JAZF1: variants seen among roughly 807,000 people sequenced by gnomAD.
The protein encoded by JAZF1 is JAZF zinc finger 1.
A neutral mutation model predicts 26.4 loss-of-function variants in JAZF1; 8 were observed. That is an observed-to-expected ratio of 0.30 (90% CI 0.18 to 0.55). The LOEUF (loss-of-function observed/expected upper bound fraction) is 0.55, where lower values mean the gene tolerates loss of function less well. Among genes scored for constraint, JAZF1 ranks in the 20% least tolerant of loss-of-function variants. JAZF1 has a pLI of 0.94. For synonymous variants in JAZF1, 126 were observed against 122.3 expected (o/e 1.03, Z -0.20); for missense variants, 199 against 322.0 (o/e 0.62, Z 2.92).
intron 1 of JAZF1, among the ~76,000 whole-genome samples, chr7:28,012,480 G>T (rs745977028): frequency 9.2e-5 from 14 of 152,136 alleles, no homozygotes; most frequent in Non-Finnish European, 1.9e-4. Flanking sequence ...GGATAGAAAA[G>T]AAACGACTGA....
chr7:27,879,047 T>C (rs1047623862), intron 3 of JAZF1, among the ~76,000 whole-genome samples: 1 of 152,228 alleles, frequency 6.6e-6, no homozygotes, highest in Admixed American at 6.5e-5. Flanking sequence ...AATGCATAGA[T>C]GGAGGCCAGA....
At chr7:28,056,892 C>T (rs181742393) in intron 1 of JAZF1, among the ~76,000 whole-genome samples, 1 of 152,280 alleles carries the variant, frequency 6.6e-6, no homozygotes, top group East Asian at 1.9e-4. Context: ...CCTGTACTCT[C>T]CTTTATGAAT....
At chr7:27,966,108 C>A (rs1320703046) in intron 2 of JAZF1, among the ~76,000 whole-genome samples, 3 of 152,206 alleles carry the variant, frequency 2.0e-5, no homozygotes, top group Non-Finnish European at 4.4e-5. Context: ...ATGCTGGCAT[C>A]CCTTTTTAGC....
chr7:27,855,048 C>CTTTGTT (rs1783220541), intron 3 of JAZF1, among the ~76,000 whole-genome samples: 2 of 152,122 alleles, frequency 1.3e-5, no homozygotes, highest in Non-Finnish European at 2.9e-5. Flanking sequence ...TTCTGGGAGG[C>CTTTGTT]TTTGTTTGTT....
At chr7:27,933,231 T>C (rs1583469203) in intron 2 of JAZF1, among the ~76,000 whole-genome samples, 1 of 152,222 alleles carries the variant, frequency 6.6e-6, no homozygotes, top group South Asian at 2.1e-4. Flanking sequence ...TAAATGGATA[T>C]ATGATGTGAT....
chr7:28,135,517 A>C (rs971374134), intron 1 of JAZF1, among the ~76,000 whole-genome samples: 1 of 152,228 alleles, frequency 6.6e-6, no homozygotes, highest in African/African-American at 2.4e-5. Flanking sequence ...GACTGGATTT[A>C]CAGCAAAATA....
rs185261552 is a variant in JAZF1, at chr7:27,982,415, C to T, written c.188+9494G>A. On this transcript the variant is annotated intron_variant, in intron 2 of 4. Coordinates refer to ENST00000283928, the MANE Select transcript of JAZF1 (RefSeq NM_175061.4). ...GCGAGGCTGGGGGAGGGGCGTCCGC[C>T]ACTGCTGAGGCTTGAGTAGGTAAAC... Among the ~76,000 whole-genome samples, 803 of 152,292 alleles carry T rather than the reference C, an allele frequency of 5.3e-3. 9 individuals carry two copies. Among genetic ancestry groups the T allele is most frequent in the African/African-American group, 0.019 (775 of 41,582 alleles).
In JAZF1 at chr7:28,070,867, C is replaced by T. The variant is rs116162911; in HGVS notation, c.116-78886G>A. On this transcript the variant is annotated intron_variant, in intron 1 of 4. Coordinates refer to ENST00000283928, the MANE Select transcript of JAZF1 (RefSeq NM_175061.4). ...GGTCATCCAAAATCCCCTATTAAAG[C>T]GTGAGCTCCTCGAGGGCACAGACTG... Among the ~76,000 whole-genome samples the T allele has an allele frequency of 3.7e-3, 560 of 152,336 alleles. 3 individuals are homozygous for T. The highest frequency in any genetic ancestry group is 0.013 in the African/African-American group (536 of 41,582).
intron 1 of JAZF1, among the ~76,000 whole-genome samples, chr7:28,081,316 C>T (rs1784133132): frequency 1.3e-5 from 2 of 152,144 alleles, no homozygotes; most frequent in African/African-American, 4.8e-5. Context: ...ACAGGATGAC[C>T]AGCTCGGAGG....
At chr7:28,070,741 A>G in intron 1 of JAZF1, among the ~76,000 whole-genome samples, 1 of 152,254 alleles carries the variant, frequency 6.6e-6, no homozygotes, top group East Asian at 1.9e-4. Flanking sequence ...TAGAGTGTGA[A>G]GGCAACAGAA....
At chr7:27,900,562 A>C (rs1400388651) in intron 2 of JAZF1, among the ~76,000 whole-genome samples, 1 of 152,138 alleles carries the variant, frequency 6.6e-6, no homozygotes, top group Non-Finnish European at 1.5e-5. Flanking sequence ...TTTCCTCCCC[A>C]AGTCAGTTCA....
intron 2 of JAZF1, among the ~76,000 whole-genome samples, chr7:27,977,531 G>A (rs1404176855): frequency 3.3e-5 from 5 of 152,116 alleles, no homozygotes; most frequent in African/African-American, 4.8e-5. Context: ...TATACTGGCT[G>A]GGCTGGAGTG....
chr7:28,070,236 G>C (rs528773816), intron 1 of JAZF1, among the ~76,000 whole-genome samples: 26 of 152,098 alleles, frequency 1.7e-4, no homozygotes, highest in Non-Finnish European at 3.4e-4. Flanking sequence ...CTTTCTTCAA[G>C]ACTTCATGTA....
Position 27,840,844 on chromosome 7 carries a change from C to A in JAZF1, c.409G>T (p.Val137Leu). The stretch of plus-strand genomic sequence containing the variant: ...TCGCTGTCCGACTCCTCATAGTCCA[C>A]CTCCTCCTCGTCATACTCGCTGCCT... Reference protein sequence around the residue: ...PTGSEYDEEEVDYEESDSDES... With the variant: ...PTGSEYDEEELDYEESDSDES... The change falls in exon 4 of 5, where the codon GTG becomes TTG. Residue 137 changes from valine (V) to leucine (L), a missense_variant. Transcript: ENST00000283928. This position sits in a 1 kb window ranked among gnomAD's most constrained non-coding sequence, Gnocchi z 5.1. The A allele has an allele frequency of 1.9e-6, 3 of 1,614,126 alleles. No individual in the cohort carries two copies. Among genetic ancestry groups the A allele is most frequent in the Non-Finnish European group, 2.5e-6 (3 of 1,180,010 alleles).
intron 2 of JAZF1, among the ~76,000 whole-genome samples, chr7:27,967,038 A>G (rs557901908): frequency 6.6e-6 from 1 of 152,344 alleles, no homozygotes; most frequent in South Asian, 2.1e-4. Flanking sequence ...AAAAGGCCCA[A>G]CTACCATTTC....
intron 1 of JAZF1, among the ~76,000 whole-genome samples, chr7:27,995,683 ATCTT>A (rs746049498): frequency 1.8e-4 from 27 of 152,182 alleles, no homozygotes; most frequent in Non-Finnish European, 3.7e-4. Flanking sequence ...CAATGTGTCT[ATCTT>A]TATTTCAGGG....
chr7:28,041,248 C>T (rs1354970384), intron 1 of JAZF1, among the ~76,000 whole-genome samples: 1 of 152,118 alleles, frequency 6.6e-6, no homozygotes, highest in Non-Finnish European at 1.5e-5. Context: ...GGTGTGAGTG[C>T]ACGAGTGTGT....
chr7:28,102,320 T>A (rs766521088), intron 1 of JAZF1, among the ~76,000 whole-genome samples: 8 of 152,362 alleles, frequency 5.3e-5, no homozygotes, highest in Non-Finnish European at 1.2e-4. Context: ...CACAGGACTA[T>A]TGTGAGAATT....
At chr7:28,121,551 T>C (rs1782606082) in intron 1 of JAZF1, among the ~76,000 whole-genome samples, 2 of 152,230 alleles carry the variant, frequency 1.3e-5, no homozygotes, top group Admixed American at 1.3e-4. Flanking sequence ...AAGGGGGAAA[T>C]GTGTGATCCT....
Sources: allele counts gnomAD v4.1 joint callset (sites outside exome capture counted in the v4.1 genomes callset), GRCh38; gene constraint gnomAD v4.1.1; non-coding constraint Gnocchi (gnomAD v3.1); transcripts MANE v1.5; gene names NCBI Gene and HGNC (gene_info 2026-07-23, HGNC 2026-07-21).